Variants in ANKRD6 observed in about 807,000 individuals in gnomAD.
ANKRD6 encodes the protein ankyrin repeat domain 6.
In ANKRD6, 56 loss-of-function variants were observed where a neutral mutation model predicts 82.3. That is an observed-to-expected ratio of 0.68 (90% CI 0.55 to 0.85). The LOEUF is 0.85. Among genes scored for constraint, ANKRD6 ranks in the 40% least tolerant of loss-of-function variants. The pLI, the probability that ANKRD6 is intolerant of heterozygous loss-of-function variation, is 0.00. For missense variants in ANKRD6, 852 were observed against 907.6 expected (o/e 0.94, Z 0.79); for synonymous variants, 347 against 352.1 (o/e 0.99, Z 0.16).
Position 89,631,463 on chromosome 6 carries a change from A to G in ANKRD6, c.*459A>G, listed in dbSNP as rs955431007. 1.3e-5 allele frequency: 2 copies of G among 152,982 alleles called. No individual in the cohort carries two copies. The highest frequency in any genetic ancestry group is 4.8e-5 in the African/African-American group (2 of 41,460). 9.5% of individuals were successfully genotyped at this position (152,982 alleles called of 1,614,324 possible). ...CAAGTGTCTTTCTGTAAGAGCTGTA[A>G]CTCTGAGATGTGCTAAATAAACCCT... On this transcript the variant is annotated 3_prime_UTR_variant, in exon 16 of 16. Transcript: ENST00000339746.
chr6:89,498,059 G>T (rs796935882), intron 1 of ANKRD6, among the ~76,000 whole-genome samples: 2 of 151,976 alleles, frequency 1.3e-5, no homozygotes, highest in African/African-American at 4.8e-5. Flanking sequence ...AGTTCCAGAG[G>T]GATTTAAAAC....
intron 1 of ANKRD6, among the ~76,000 whole-genome samples, chr6:89,436,943 A>G (rs376297904): frequency 5.3e-5 from 8 of 152,264 alleles, no homozygotes; most frequent in Admixed American, 3.3e-4. Context: ...TGCATTATTT[A>G]CTGGTGGGTT....
At chr6:89,545,038 C>G (rs999411150) in intron 1 of ANKRD6, among the ~76,000 whole-genome samples, 9 of 151,760 alleles carry the variant, frequency 5.9e-5, no homozygotes, top group African/African-American at 2.2e-4. Flanking sequence ...ACGGTGAAAC[C>G]CCGTCTCTAC....
chr6:89,448,845 A>G (rs1424681698), intron 1 of ANKRD6, among the ~76,000 whole-genome samples: 8 of 152,012 alleles, frequency 5.3e-5, no homozygotes, highest in South Asian at 2.1e-4. Context: ...CTTGGCTAAC[A>G]CGGTGAAACC....
intron 1 of ANKRD6, among the ~76,000 whole-genome samples, chr6:89,485,257 T>G (rs1024629782): frequency 3.3e-5 from 5 of 152,220 alleles, no homozygotes; most frequent in African/African-American, 1.2e-4. Context: ...ATACGCTCAG[T>G]GTCTGTCTCT....
In ANKRD6 at chr6:89,628,748, C is replaced by T. The variant is rs189203684; in HGVS notation, c.1486-364C>T. Reference sequence around the variant, plus strand: ...TCGTGCCACTGCACTCCAGCCTGGGCGACAGAGCGAGACTTCCATCTCAAA... The same window carrying T: ...TCGTGCCACTGCACTCCAGCCTGGGTGACAGAGCGAGACTTCCATCTCAAA... On this transcript the variant is annotated intron_variant, in intron 14 of 15. Coordinates refer to ENST00000339746, the MANE Select transcript of ANKRD6 (RefSeq NM_001242809.2). 7.9e-4 allele frequency: 207 copies of T among 262,012 alleles called. No homozygotes were observed. The Middle Eastern group carries it at 8.9e-3, about 11-fold the overall frequency. The allele number at this position is 262,012 out of a possible 1,614,324, so 16.2% of individuals were successfully genotyped here. A position where few individuals can be genotyped will look rare whatever the true frequency, so the allele number is the denominator to read the frequency against.
intron 5 of ANKRD6, among the ~76,000 whole-genome samples, chr6:89,609,778 A>T (rs1799748618): frequency 6.6e-6 from 1 of 151,684 alleles, no homozygotes; most frequent in South Asian, 2.1e-4. Context: ...TGCCCAGCTA[A>T]TTTTTGTATT....
chr6:89,629,035 T>A (rs1806662768), intron 14 of ANKRD6, 77 bp from the exon 15 acceptor site: 1 of 1,487,216 alleles, frequency 6.7e-7, no homozygotes, highest in South Asian at 1.3e-5. Flanking sequence ...TCCTTGATGC[T>A]TTAATTCATA....
At chr6:89,623,763 A>G in intron 11 of ANKRD6, 109 bp from the exon 12 acceptor site, 1 of 1,328,838 alleles carries the variant, frequency 7.5e-7, no homozygotes, top group Non-Finnish European at 1.0e-6. Context: ...CCATGAGGTG[A>G]AACAAAGTGG....
chr6:89,612,219 C>G, intron 5 of ANKRD6, 53 bp from the exon 6 acceptor site: 2 of 1,489,548 alleles, frequency 1.3e-6, no homozygotes, highest in Non-Finnish European at 1.8e-6. Flanking sequence ...GCATGCAAGT[C>G]TGTGCGGAAG....
chr6:89,630,252 C>T (rs1563178195), intron 15 of ANKRD6, among the ~76,000 whole-genome samples, 181 bp from the exon 16 acceptor site: 2 of 152,056 alleles, frequency 1.3e-5, no homozygotes, highest in East Asian at 1.9e-4. Flanking sequence ...TCAGAGGAGA[C>T]AAAGTGGAAG....
intron 2 of ANKRD6, among the ~76,000 whole-genome samples, chr6:89,574,367 C>T (rs1291624019): frequency 6.6e-6 from 1 of 152,190 alleles, no homozygotes; most frequent in Admixed American, 6.5e-5. Flanking sequence ...ACAAAATCAT[C>T]CCCGCCTCAG....
chr6:89,494,572 T>C (rs147710680), intron 1 of ANKRD6, among the ~76,000 whole-genome samples: 11 of 152,318 alleles, frequency 7.2e-5, no homozygotes, highest in African/African-American at 2.4e-4. Flanking sequence ...GTTTTCACTG[T>C]GAAGTTATCA....
chr6:89,442,333 C>T (rs1771499684), intron 1 of ANKRD6, among the ~76,000 whole-genome samples: 1 of 151,960 alleles, frequency 6.6e-6, no homozygotes, highest in African/African-American at 2.4e-5. Flanking sequence ...GAGGCATAGA[C>T]ACCAATCAGG....
chr6:89,467,020 T>C (rs149695511), intron 1 of ANKRD6, among the ~76,000 whole-genome samples: 2,387 of 152,266 alleles, frequency 0.016, 28 homozygotes, highest in South Asian at 0.025. Flanking sequence ...GATTTTTATA[T>C]AGAAAAGCTG....
intron 1 of ANKRD6, among the ~76,000 whole-genome samples, chr6:89,549,820 T>C (rs914878013): frequency 6.6e-6 from 1 of 151,576 alleles, no homozygotes; most frequent in African/African-American, 2.4e-5. Context: ...GTGAGAAATA[T>C]GCATAGAAAC....
intron 9 of ANKRD6, among the ~76,000 whole-genome samples, chr6:89,621,040 G>A (rs1201405532): frequency 6.6e-6 from 1 of 152,098 alleles, no homozygotes. Flanking sequence ...CTGCACTTCA[G>A]CCTGGGGCAC....
intron 1 of ANKRD6, among the ~76,000 whole-genome samples, chr6:89,555,032 TCCCCGCTTTCTCTCCATCCTCTCCTC>T (rs1786378262): frequency 2.2e-5 from 1 of 46,366 alleles, no homozygotes; most frequent in Non-Finnish European, 4.8e-5. Flanking sequence ...CTCTCCTCCC[TCCCCGCTTTCTCTCCATCCTCTCCTC>T]CCCCCCTTCT....
chr6:89,451,774 A>G (rs573328732), intron 1 of ANKRD6, among the ~76,000 whole-genome samples: 2 of 152,366 alleles, frequency 1.3e-5, no homozygotes, highest in East Asian at 3.9e-4. Context: ...ATCTAAAAAT[A>G]GAACATAAAA....
Sources: gnomAD v4.1 joint callset for allele counts (sites outside exome capture counted in the v4.1 genomes callset) on GRCh38, gnomAD v4.1.1 for gene constraint, MANE v1.5 for transcripts, NCBI Gene and HGNC (gene_info 2026-07-23, HGNC 2026-07-21) for gene names.